Variants in EXOC6B observed in about 807,000 individuals in gnomAD.
EXOC6B encodes the protein exocyst complex component 6B.
Under a neutral mutation model 113.5 loss-of-function variants are expected in EXOC6B, and 54 were observed. The observed-to-expected ratio is 0.48, with a 90% CI of 0.38 to 0.60. The LOEUF (loss-of-function observed/expected upper bound fraction) is 0.60. Ranked by LOEUF, EXOC6B falls within the 20% of genes least tolerant of loss-of-function variation. The pLI is 0.00. For missense variants in EXOC6B, 797 were observed against 977.5 expected (o/e 0.82, Z 2.46); for synonymous variants, 357 against 339.0 (o/e 1.05, Z -0.58).
chr2:72,221,935 T>C (rs537107178), intron 20 of EXOC6B, among the ~76,000 whole-genome samples: 1 of 152,162 alleles, frequency 6.6e-6, no homozygotes, highest in African/African-American at 2.4e-5. Context: ...GAAACTCTTA[T>C]GAATTAGCCA....
chr2:72,358,298 G>A (rs1290813457), intron 19 of EXOC6B, among the ~76,000 whole-genome samples: 7 of 151,850 alleles, frequency 4.6e-5, no homozygotes, highest in Non-Finnish European at 8.8e-5. Context: ...TAATATCTTG[G>A]AACTAAATGG....
At chr2:72,538,382 T>C (rs1702420353) in intron 8 of EXOC6B, among the ~76,000 whole-genome samples, 1 of 152,226 alleles carries the variant, frequency 6.6e-6, no homozygotes, top group South Asian at 2.1e-4. Context: ...GAACACAATA[T>C]ATAATTTAAA....
intron 7 of EXOC6B, among the ~76,000 whole-genome samples, chr2:72,564,815 A>G (rs1704072112): frequency 6.6e-6 from 1 of 152,208 alleles, no homozygotes; most frequent in African/African-American, 2.4e-5. Flanking sequence ...CTTTGAGCAT[A>G]TAAGAATACT....
intron 6 of EXOC6B, among the ~76,000 whole-genome samples, chr2:72,628,875 AT>A (rs1179236220): frequency 1.3e-5 from 2 of 152,166 alleles, no homozygotes; most frequent in African/African-American, 4.8e-5. Flanking sequence ...TAAAGTACAT[AT>A]ATATACTTAA....
chr2:72,348,124 G>A lies in EXOC6B; in HGVS notation c.2123-13104C>T, dbSNP rs537343222. Among the ~76,000 whole-genome samples, 7 of 152,094 alleles carry A rather than the reference G, an allele frequency of 4.6e-5. No individual in the cohort carries two copies. The East Asian group carries it at 5.8e-4, about 13-fold the overall frequency. On this transcript the variant is annotated intron_variant, in intron 19 of 21. Transcript: ENST00000272427. ...AGATTCAGTGTCTAGTCGGACCTGC[G>A]TTCTGGTTTATAGATAACACCTGCT... is the stretch of plus-strand genomic sequence containing the variant.
chr2:72,292,538 T>G (rs1685866367), intron 20 of EXOC6B, among the ~76,000 whole-genome samples: 1 of 148,822 alleles, frequency 6.7e-6, no homozygotes, highest in East Asian at 2.0e-4. Context: ...GCACGCTTTG[T>G]GTGTGTGTGT....
intron 7 of EXOC6B, among the ~76,000 whole-genome samples, chr2:72,568,436 G>A (rs1704318720): frequency 6.6e-6 from 1 of 151,966 alleles, no homozygotes; most frequent in Non-Finnish European, 1.5e-5. Flanking sequence ...TCATTGTCAG[G>A]AAACACAGAT....
intron 20 of EXOC6B, among the ~76,000 whole-genome samples, chr2:72,316,452 T>C (rs1346949558): frequency 6.6e-6 from 1 of 152,198 alleles, no homozygotes; most frequent in African/African-American, 2.4e-5. Context: ...TATTTGGTTT[T>C]GCCTTTTCCA....
chr2:72,655,612 T>C (rs1311857585), intron 6 of EXOC6B, among the ~76,000 whole-genome samples: 1 of 151,960 alleles, frequency 6.6e-6, no homozygotes, highest in African/African-American at 2.4e-5. Context: ...AAAGATGCAC[T>C]CCAGTCAAAC....
intron 8 of EXOC6B, among the ~76,000 whole-genome samples, chr2:72,523,780 C>CAAAAAA (rs11334254): frequency 9.4e-5 from 6 of 63,724 alleles, no homozygotes; most frequent in Non-Finnish European, 1.1e-4. Context: ...GACTCCATCT[C>CAAAAAA]AAAAAAAAAA....
At chr2:72,348,877 G>A (rs1689486534) in intron 19 of EXOC6B, among the ~76,000 whole-genome samples, 1 of 152,144 alleles carries the variant, frequency 6.6e-6, no homozygotes, top group Admixed American at 6.5e-5. Flanking sequence ...TCCACATGGG[G>A]TGTTTCTCAG....
chr2:72,334,722 C>A (rs1688589574), intron 20 of EXOC6B, among the ~76,000 whole-genome samples: 1 of 133,354 alleles, frequency 7.5e-6, no homozygotes, highest in African/African-American at 2.7e-5. Context: ...GGTCCCTCCT[C>A]CCACCCCCGC....
chr2:72,234,062 A>C (rs1229359717), intron 20 of EXOC6B, among the ~76,000 whole-genome samples: 2 of 150,678 alleles, frequency 1.3e-5, no homozygotes, highest in Admixed American at 1.3e-4. Context: ...CCATATGCAG[A>C]AGATTGAAGC....
At chr2:72,478,670 T>C (rs1372863014) in intron 17 of EXOC6B, among the ~76,000 whole-genome samples, 1 of 152,210 alleles carries the variant, frequency 6.6e-6, no homozygotes, top group Non-Finnish European at 1.5e-5. Context: ...CATTTTTTCA[T>C]GCTAGAGCAA....
chr2:72,378,426 C>A (rs1262193105), intron 19 of EXOC6B, among the ~76,000 whole-genome samples: 1 of 152,170 alleles, frequency 6.6e-6, no homozygotes, highest in African/African-American at 2.4e-5. Context: ...TGTCCCCAGA[C>A]AGAAAAATGG....
intron 1 of EXOC6B, among the ~76,000 whole-genome samples, chr2:72,766,540 A>G (rs1683068345): frequency 6.6e-6 from 1 of 152,234 alleles, no homozygotes; most frequent in African/African-American, 2.4e-5. Context: ...GAGAAGATGG[A>G]GAATTTCACT....
intron 17 of EXOC6B, among the ~76,000 whole-genome samples, chr2:72,474,387 T>C (rs1474545693): frequency 6.6e-6 from 1 of 152,096 alleles, no homozygotes; most frequent in African/African-American, 2.4e-5. Context: ...TTTTGCCTTC[T>C]GGAACCCTTA....
intron 20 of EXOC6B, among the ~76,000 whole-genome samples, chr2:72,218,809 C>T (rs779831453): frequency 1.3e-5 from 2 of 151,926 alleles, no homozygotes; most frequent in Admixed American, 6.6e-5. Flanking sequence ...ATTACAGGCA[C>T]GTGCCACCAT....
intron 20 of EXOC6B, among the ~76,000 whole-genome samples, chr2:72,232,602 T>C (rs771554989): frequency 1.1e-4 from 17 of 151,946 alleles, no homozygotes; most frequent in Non-Finnish European, 2.5e-4. Flanking sequence ...AATTGTACTT[T>C]AAAAGGCAGA....
Sources: gnomAD v4.1 joint callset for allele counts (sites outside exome capture counted in the v4.1 genomes callset) on GRCh38, gnomAD v4.1.1 for gene constraint, MANE v1.5 for transcripts, NCBI Gene and HGNC (gene_info 2026-07-23, HGNC 2026-07-21) for gene names.